Variants in MYLK4 observed in about 807,000 individuals in gnomAD.
MYLK4 encodes the protein myosin light chain kinase family member 4, also known as caMLCK like.
MYLK4 carries 46 observed loss-of-function variants against 48.1 expected under a neutral mutation model. The ratio of observed to expected loss-of-function variants is 0.96; its 90% confidence interval spans 0.75 to 1.22. MYLK4 has a LOEUF of 1.22. MYLK4 is among the 50% of genes most tolerant of loss of function. MYLK4 has a pLI of 0.00. For synonymous variants in MYLK4, 170 were observed against 180.8 expected, an observed-to-expected ratio of 0.94 and a Z score of 0.48; for missense variants, 451 against 486.1, an observed-to-expected ratio of 0.93 and a Z score of 0.68.
rs142591940 is a variant in MYLK4, at chr6:2,692,681, C to T, written c.235+103G>A. On this transcript the variant is annotated intron_variant, in intron 3 of 12. Transcript: ENST00000274643. ...ATTTTTTTATAAACATCACTTCTTC[C>T]TGCACAGGGCTTTATGAATGTGCAA... 4.2e-3 allele frequency: 3,308 copies of T among 782,876 alleles called. 26 individuals carry two copies. The highest frequency in any genetic ancestry group is 0.011 in the South Asian group (568 of 53,104). The allele number at this position is 782,876 out of a possible 1,614,324, so 48.5% of individuals were successfully genotyped here. A position where few individuals can be genotyped will look rare whatever the true frequency, so the allele number is the denominator to read the frequency against.
In MYLK4 at chr6:2,671,221, T is replaced by C. The variant is rs1003573220; in HGVS notation, c.*25+55A>G. On this transcript the variant is annotated intron_variant, in intron 12 of 12. Transcript: ENST00000274643. ...GTGAGCAAATGCTCCATTTATTTCT[T>C]ATTCCTATCTCTTAAGGCCTTCACA... 3.3e-6 allele frequency: 4 copies of C among 1,212,146 alleles called. No individual in the cohort carries two copies. The African/African-American group carries it at 6.0e-5, about 18-fold the overall frequency. 75.1% of individuals were successfully genotyped at this position (1,212,146 alleles called of 1,614,324 possible).
chr6:2,722,025 C>T (rs9503285), intron 2 of MYLK4, among the ~76,000 whole-genome samples: 43 of 152,248 alleles, frequency 2.8e-4, no homozygotes, highest in African/African-American at 8.7e-4. Context: ...AAGAAAGGAA[C>T]GCAAAAGATA....
At chr6:2,688,315 T>A (rs1761638526) in intron 4 of MYLK4, among the ~76,000 whole-genome samples, 1 of 152,058 alleles carries the variant, frequency 6.6e-6, no homozygotes, top group African/African-American at 2.4e-5. Context: ...CGCCTCAGTT[T>A]CCCAAAGTGC....
At chr6:2,739,859 C>T (rs1233216145) in intron 2 of MYLK4, among the ~76,000 whole-genome samples, 1 of 152,168 alleles carries the variant, frequency 6.6e-6, no homozygotes, top group Non-Finnish European at 1.5e-5. Context: ...ATGCATGGTA[C>T]TTTATTTGGC....
chr6:2,694,530 G>GCGA, intron 2 of MYLK4, among the ~76,000 whole-genome samples: 1 of 99,446 alleles, frequency 1.0e-5, no homozygotes, highest in Non-Finnish European at 2.2e-5. Context: ...GGTGGTGGTG[G>GCGA]TAGTAGTGTT....
chr6:2,770,263 G>A, the MYLK4 span: 1 of 1,614,162 alleles, frequency 6.2e-7, no homozygotes, highest in Non-Finnish European at 8.5e-7. Context: ...AGGCAATGGT[G>A]ACTATTTTAA....
chr6:2,715,703 C>T (rs1561860642), intron 2 of MYLK4, among the ~76,000 whole-genome samples: 1 of 152,160 alleles, frequency 6.6e-6, no homozygotes, highest in Admixed American at 6.5e-5. Context: ...GGGTCAAAAC[C>T]GCTAGCAAAC....
chr6:2,763,225 TA>T, the MYLK4 span, among the ~76,000 whole-genome samples: 1 of 152,206 alleles, frequency 6.6e-6, no homozygotes, highest in African/African-American at 2.4e-5. Context: ...TAGCTAGACA[TA>T]AAGGTTCTCC....
At position 2,693,496 on chromosome 6, in the gene MYLK4, C is replaced by T. The variant is rs147889149; in HGVS notation, c.160-637G>A. 5.4e-3 allele frequency among the ~76,000 whole-genome samples: 815 copies of T among 152,334 alleles called. 10 individuals are homozygous for T. The highest frequency in any genetic ancestry group is 0.019 in the African/African-American group (778 of 41,568). On this transcript the variant is annotated intron_variant, in intron 2 of 12. Transcript: ENST00000274643. ...TTTTCCTAAGTGGATAAACATTCTT[C>T]TCACAGTCCTGGAGTATCTGAATTA...
chr6:2,680,250 T>TA lies in MYLK4; in HGVS notation c.728dup (p.Ile245AsnfsTer3). The TA allele has an allele frequency of 1.9e-6, 3 of 1,614,168 alleles. No homozygotes were observed. The South Asian group carries it at 3.3e-5, about 18-fold the overall frequency. ...TGGCCAATCCAAAATCAATAATTTT[T>TA]ATTTGCTTAGCATCCCGATTCACAC... On this transcript the variant is annotated frameshift_variant, in exon 8 of 13. Transcript: ENST00000274643. LOFTEE classifies it high-confidence loss of function.
At chr6:2,737,990 G>GGGGGGGGGGGGGA (rs1561878095) in intron 2 of MYLK4, among the ~76,000 whole-genome samples, 1 of 28,556 alleles carries the variant, frequency 3.5e-5, no homozygotes, top group Non-Finnish European at 6.6e-5. Flanking sequence ...GTGGGGGGGG[G>GGGGGGGGGGGGGA]GTGGTCAATG....
chr6:2,767,904 G>A, the MYLK4 span, among the ~76,000 whole-genome samples: 2 of 152,216 alleles, frequency 1.3e-5, no homozygotes, highest in African/African-American at 2.4e-5. Context: ...GAAAGAAGCA[G>A]CCACAGAATG....
At chr6:2,756,510 G>GT in the MYLK4 span, among the ~76,000 whole-genome samples, 1 of 152,140 alleles carries the variant, frequency 6.6e-6, no homozygotes, top group African/African-American at 2.4e-5. Flanking sequence ...CACCAGGAGT[G>GT]TTTTTTGCTA....
At chr6:2,746,716 G>A (rs1299144276) in intron 2 of MYLK4, among the ~76,000 whole-genome samples, 1 of 152,194 alleles carries the variant, frequency 6.6e-6, no homozygotes, top group Non-Finnish European at 1.5e-5. Context: ...GAGAGAGAAA[G>A]GGGAATAGGT....
the MYLK4 span, chr6:2,765,594 G>T: frequency 2.7e-6 from 4 of 1,474,342 alleles, no homozygotes; most frequent in South Asian, 1.3e-5. Context: ...CTGCGGCCGC[G>T]CCGGGCGCCG....
intron 2 of MYLK4, among the ~76,000 whole-genome samples, chr6:2,729,358 A>AGTGGCAGGAGACGAGGATGCC (rs1163455057): frequency 6.6e-6 from 1 of 152,266 alleles, no homozygotes; most frequent in African/African-American, 2.4e-5. Context: ...TAAAACAGGA[A>AGTGGCAGGAGACGAGGATGCC]GTGGCAGGAG....
intron 2 of MYLK4, among the ~76,000 whole-genome samples, chr6:2,746,671 T>C (rs1237611216): frequency 6.6e-6 from 1 of 152,166 alleles, no homozygotes; most frequent in Non-Finnish European, 1.5e-5. Context: ...TCTACTATGA[T>C]TAGCCGTGCT....
intron 2 of MYLK4, among the ~76,000 whole-genome samples, chr6:2,701,644 G>A (rs2113215460): frequency 6.6e-6 from 1 of 152,320 alleles, no homozygotes; most frequent in East Asian, 1.9e-4. Flanking sequence ...AAACTGCGTA[G>A]GTAAAAAACT....
intron 2 of MYLK4, among the ~76,000 whole-genome samples, chr6:2,722,512 AGTGTGTGTGT>A (rs369339405): frequency 1.4e-3 from 192 of 139,542 alleles, no homozygotes; most frequent in Non-Finnish European, 1.4e-3. Flanking sequence ...ACATAAAAGG[AGTGTGTGTGT>A]GTGTGTGTGT....
Sources: allele counts gnomAD v4.1 joint callset (sites outside exome capture counted in the v4.1 genomes callset), GRCh38; gene constraint gnomAD v4.1.1; transcripts MANE v1.5; gene names NCBI Gene and HGNC (gene_info 2026-07-23, HGNC 2026-07-21).